PTPN4: variants seen among roughly 807,000 people sequenced by gnomAD.
The protein encoded by PTPN4 is tyrosine-protein phosphatase non-receptor type 4.
Under a neutral mutation model 135.5 loss-of-function variants are expected in PTPN4, and 49 were observed. The observed-to-expected ratio is 0.36, with a 90% confidence interval of 0.29 to 0.46. The LOEUF (loss-of-function observed/expected upper bound fraction) is 0.46. PTPN4 is among the 20% of genes least tolerant of loss of function. The probability of loss-of-function intolerance (pLI) is 1.00; values close to 1 mark genes in which losing one functional copy is unlikely to be tolerated. For synonymous variants in PTPN4, 333 were observed against 369.9 expected (o/e 0.90, Z 1.14); for missense variants, 860 against 1,101.0 (o/e 0.78, Z 3.10).
chr2:119,882,864 A>G (rs1386387558), intron 8 of PTPN4, among the ~76,000 whole-genome samples: 1 of 152,124 alleles, frequency 6.6e-6, no homozygotes, highest in Non-Finnish European at 1.5e-5. Context: ...TTTATTTGCT[A>G]TTGTGTAATA....
chr2:119,825,735 A>T (rs1487274062), intron 2 of PTPN4, among the ~76,000 whole-genome samples: 2 of 151,956 alleles, frequency 1.3e-5, no homozygotes, highest in East Asian at 3.9e-4. Flanking sequence ...ACCTCAAGAG[A>T]TCCACCCACC....
intron 1 of PTPN4, among the ~76,000 whole-genome samples, chr2:119,766,869 T>G (rs754448885): frequency 6.6e-6 from 1 of 152,104 alleles, no homozygotes; most frequent in Non-Finnish European, 1.5e-5. Flanking sequence ...GAGTTGAAGA[T>G]GATGCTAGGA....
At chr2:119,899,988 G>A (rs937171699) in intron 9 of PTPN4, among the ~76,000 whole-genome samples, 2 of 152,086 alleles carry the variant, frequency 1.3e-5, no homozygotes, top group African/African-American at 4.8e-5. Context: ...CGTGCCTCCT[G>A]TATTAGGTTA....
intron 5 of PTPN4, among the ~76,000 whole-genome samples, chr2:119,881,362 T>A (rs551208428): frequency 6.6e-6 from 1 of 152,360 alleles, no homozygotes; most frequent in South Asian, 2.1e-4. Flanking sequence ...CCTGTCCTTG[T>A]AGCTGGCTTT....
At chr2:119,891,223 T>C (rs1395004722) in intron 9 of PTPN4, among the ~76,000 whole-genome samples, 2 of 152,218 alleles carry the variant, frequency 1.3e-5, no homozygotes, top group Non-Finnish European at 2.9e-5. Flanking sequence ...TGTCTTCAAG[T>C]TCCAAGATTC....
intron 9 of PTPN4, among the ~76,000 whole-genome samples, chr2:119,897,374 T>C (rs1678340419): frequency 6.6e-6 from 1 of 152,202 alleles, no homozygotes; most frequent in Non-Finnish European, 1.5e-5. Flanking sequence ...TTCAAAAATC[T>C]CAGTGTGGGT....
At chr2:119,788,901 G>A (rs1691091128) in intron 1 of PTPN4, among the ~76,000 whole-genome samples, 2 of 152,000 alleles carry the variant, frequency 1.3e-5, no homozygotes, top group African/African-American at 4.8e-5. Flanking sequence ...TATCTCTTTG[G>A]GACCCAGCTT....
intron 9 of PTPN4, among the ~76,000 whole-genome samples, chr2:119,889,755 T>C (rs1165066212): frequency 2.6e-5 from 4 of 152,220 alleles, no homozygotes; most frequent in African/African-American, 9.6e-5. Context: ...AGGCATTTAT[T>C]GCTGTAAACA....
chr2:119,941,232 T>G (rs1043661635), intron 15 of PTPN4, among the ~76,000 whole-genome samples: 11 of 152,232 alleles, frequency 7.2e-5, no homozygotes, highest in African/African-American at 2.7e-4. Context: ...GATAACTGTT[T>G]AAGTAATAAA....
intron 10 of PTPN4, among the ~76,000 whole-genome samples, chr2:119,911,151 A>T (rs954102660): frequency 6.6e-6 from 1 of 151,644 alleles, no homozygotes; most frequent in Admixed American, 6.6e-5. Flanking sequence ...AAGAAGGAAC[A>T]TGGTTTATGT....
chr2:119,891,467 C>T lies in PTPN4; in HGVS notation c.675+5585C>T, dbSNP rs188165719. Reference sequence around the variant, plus strand: ...CCTCCCCAGTAGCTGGGATTACTGGCGCACGCCACCATGCCTGGCTAATTT... The same window carrying T: ...CCTCCCCAGTAGCTGGGATTACTGGTGCACGCCACCATGCCTGGCTAATTT... On this transcript the variant is annotated intron_variant, in intron 9 of 26. Transcript: ENST00000263708. Among the ~76,000 whole-genome samples, 685 of 152,102 alleles carry T rather than the reference C, an allele frequency of 4.5e-3. 7 individuals carry two copies. Among genetic ancestry groups the T allele is most frequent in the Non-Finnish European group, 5.5e-3 (375 of 67,964 alleles).
intron 2 of PTPN4, among the ~76,000 whole-genome samples, chr2:119,823,438 T>G (rs1427625982): frequency 6.6e-6 from 1 of 152,184 alleles, no homozygotes; most frequent in East Asian, 1.9e-4. Flanking sequence ...TTTCACCATA[T>G]TAGCCAGGAT....
intron 12 of PTPN4, among the ~76,000 whole-genome samples, chr2:119,923,542 A>G (rs1348794460): frequency 1.3e-5 from 2 of 152,178 alleles, no homozygotes; most frequent in Non-Finnish European, 1.5e-5. Flanking sequence ...ACATTATCCA[A>G]TATGCAAAAA....
At chr2:119,819,980 A>C (rs576352399) in intron 2 of PTPN4, among the ~76,000 whole-genome samples, 1 of 152,162 alleles carries the variant, frequency 6.6e-6, no homozygotes, top group Non-Finnish European at 1.5e-5. Flanking sequence ...TCCCACCTCA[A>C]CTTCCCAAGT....
intron 5 of PTPN4, chr2:119,880,153 T>G (rs1301506136): frequency 6.6e-6 from 1 of 152,120 alleles, no homozygotes; most frequent in African/African-American, 2.4e-5. Flanking sequence ...CTAGGCAAGT[T>G]GATACTACTT....
intron 15 of PTPN4, among the ~76,000 whole-genome samples, chr2:119,935,988 T>C (rs1185954525): frequency 6.6e-6 from 1 of 152,144 alleles, no homozygotes; most frequent in Non-Finnish European, 1.5e-5. Context: ...ATAAACGCAA[T>C]TGAATATTTC....
intron 5 of PTPN4, chr2:119,880,255 GT>G (rs1050578145): frequency 6.6e-6 from 1 of 152,088 alleles, no homozygotes; most frequent in African/African-American, 2.4e-5. Flanking sequence ...TTGAATTCTG[GT>G]TTCTACTTTT....
At chr2:119,775,206 T>C (rs1690812380) in intron 1 of PTPN4, among the ~76,000 whole-genome samples, 1 of 151,810 alleles carries the variant, frequency 6.6e-6, no homozygotes, top group East Asian at 1.9e-4. Context: ...TCCACTGTTT[T>C]GTGCAAATGC....
At chr2:119,976,811 A>G in intron 26 of PTPN4, 173 bp from the exon 27 acceptor site, 1 of 1,198,106 alleles carries the variant, frequency 8.3e-7, no homozygotes, top group South Asian at 2.3e-5. Flanking sequence ...TATATTGCCA[A>G]ACTGTATTTT....
Sources: allele counts gnomAD v4.1 joint callset (sites outside exome capture counted in the v4.1 genomes callset), GRCh38; gene constraint gnomAD v4.1.1; transcripts MANE v1.5; gene names NCBI Gene and HGNC (gene_info 2026-07-23, HGNC 2026-07-21).